The following AGBL1 variants were observed in gnomAD, a reference collection of about 807,000 sequenced individuals.
The protein encoded by AGBL1 is cytosolic carboxypeptidase 4.
Under a neutral mutation model 118.9 loss-of-function variants are expected in AGBL1, and 130 were observed. The observed-to-expected ratio is 1.09, with a 90% CI of 0.95 to 1.26. AGBL1 has a LOEUF of 1.26. Ranked by LOEUF, AGBL1 falls within the 50% of genes most tolerant of loss-of-function variation. The probability of loss-of-function intolerance (pLI) is 0.00; values close to 1 mark genes in which losing one functional copy is unlikely to be tolerated. For missense variants in AGBL1, 1,584 were observed against 1,298.1 expected, an observed-to-expected ratio of 1.22 and a Z score of -3.38; for synonymous variants, 555 against 478.9, an observed-to-expected ratio of 1.16 and a Z score of -2.08.
intron 16 of AGBL1, among the ~76,000 whole-genome samples, chr15:86,292,249 A>G (rs2079559701): frequency 6.6e-6 from 1 of 152,188 alleles, no homozygotes; most frequent in Non-Finnish European, 1.5e-5. Flanking sequence ...ATTAGATAAG[A>G]GAATCAGAGC....
intron 18 of AGBL1, among the ~76,000 whole-genome samples, chr15:86,426,847 A>T (rs1471897977): frequency 6.6e-6 from 1 of 151,976 alleles, no homozygotes; most frequent in Admixed American, 6.6e-5. Flanking sequence ...GTTCACTGCA[A>T]CCTCCGCCTC....
intron 22 of AGBL1, among the ~76,000 whole-genome samples, chr15:86,682,537 G>A (rs894765157): frequency 6.6e-6 from 1 of 152,070 alleles, no homozygotes; most frequent in Non-Finnish European, 1.5e-5. Context: ...TTGGCAGTTT[G>A]TAAAAAGGCC....
chr15:86,208,357 C>A (rs1280565636), intron 5 of AGBL1, among the ~76,000 whole-genome samples: 1 of 152,138 alleles, frequency 6.6e-6, no homozygotes. Context: ...AGAGGATTGC[C>A]CCTTTTTCTA....
intron 20 of AGBL1, among the ~76,000 whole-genome samples, chr15:86,548,663 GCACA>G (rs61362688): frequency 0.034 from 4,869 of 142,700 alleles, 91 homozygotes; most frequent in African/African-American, 0.056. Context: ...ACACATGCAC[GCACA>G]CACACACACA....
At chr15:86,338,250 AAAC>A (rs1407885791) in intron 17 of AGBL1, among the ~76,000 whole-genome samples, 13 of 152,154 alleles carry the variant, frequency 8.5e-5, no homozygotes, top group Non-Finnish European at 1.8e-4. Flanking sequence ...GTGCATTTGA[AAAC>A]AACATGTTTT....
chr15:86,756,174 T>A (rs1304403654), intron 22 of AGBL1, among the ~76,000 whole-genome samples: 1 of 149,676 alleles, frequency 6.7e-6, no homozygotes, highest in Non-Finnish European at 1.5e-5. Context: ...CAAACAAATA[T>A]CTTGAAATAT....
chr15:86,434,065 C>T (rs772209518), intron 18 of AGBL1, among the ~76,000 whole-genome samples: 4 of 152,210 alleles, frequency 2.6e-5, no homozygotes, highest in Non-Finnish European at 4.4e-5. Context: ...CCAACTGATC[C>T]TTTTATCGTG....
At chr15:86,658,852 T>C (rs1000752306) in intron 21 of AGBL1, among the ~76,000 whole-genome samples, 5 of 152,144 alleles carry the variant, frequency 3.3e-5, no homozygotes, top group African/African-American at 1.2e-4. Flanking sequence ...CAATCCTCCA[T>C]GTTGGTATGT....
chr15:86,796,861 G>A (rs1466615551), intron 22 of AGBL1, among the ~76,000 whole-genome samples: 2 of 152,140 alleles, frequency 1.3e-5, no homozygotes, highest in East Asian at 1.9e-4. Flanking sequence ...TATGAATTAG[G>A]AAGAAAGGGC....
chr15:86,538,182 G>T (rs1333069882), intron 19 of AGBL1, among the ~76,000 whole-genome samples: 4 of 152,174 alleles, frequency 2.6e-5, no homozygotes, highest in African/African-American at 4.8e-5. Flanking sequence ...GTCCAAGACT[G>T]ATCTGTAAGT....
chr15:86,213,380 A>C (rs1424470732), intron 5 of AGBL1, among the ~76,000 whole-genome samples: 8 of 152,304 alleles, frequency 5.3e-5, no homozygotes, highest in Non-Finnish European at 1.0e-4. Context: ...TGCCTCAGTC[A>C]GTGTTTCACA....
intron 22 of AGBL1, among the ~76,000 whole-genome samples, chr15:86,723,514 G>C (rs1180077166): frequency 6.6e-6 from 1 of 152,144 alleles, no homozygotes; most frequent in Non-Finnish European, 1.5e-5. Flanking sequence ...GTGGAGTGGG[G>C]TGAGGGGGGA....
chr15:86,838,480 G>T (rs921237229), intron 22 of AGBL1, among the ~76,000 whole-genome samples: 20 of 152,058 alleles, frequency 1.3e-4, no homozygotes, highest in African/African-American at 4.8e-4. Context: ...GAAAATATAT[G>T]GCCCAGGAAT....
intron 24 of AGBL1, among the ~76,000 whole-genome samples, chr15:86,990,723 A>G (rs1401357252): frequency 6.6e-6 from 1 of 152,170 alleles, no homozygotes; most frequent in Non-Finnish European, 1.5e-5. Flanking sequence ...ATACCTGCAC[A>G]TGTTTAAAGA....
At chr15:86,109,687 T>G (rs1319168536) in intron 1 of AGBL1, 1 of 152,242 alleles carries the variant, frequency 6.6e-6, no homozygotes, top group Non-Finnish European at 1.5e-5. Context: ...AAACTTCTTT[T>G]AAGAACTGTG....
chr15:86,413,598 T>G (rs1223357138), intron 18 of AGBL1, among the ~76,000 whole-genome samples: 1 of 152,166 alleles, frequency 6.6e-6, no homozygotes, highest in African/African-American at 2.4e-5. Context: ...TCATGGTGGT[T>G]TTAATTTACA....
intron 17 of AGBL1, among the ~76,000 whole-genome samples, chr15:86,350,901 G>A (rs555491169): frequency 1.3e-5 from 2 of 152,288 alleles, no homozygotes; most frequent in East Asian, 1.9e-4. Flanking sequence ...ATCCGTTGGA[G>A]AGTTTTCAAT....
At chr15:86,241,169 G>A (rs904696973) in intron 6 of AGBL1, among the ~76,000 whole-genome samples, 7 of 152,154 alleles carry the variant, frequency 4.6e-5, no homozygotes, top group Non-Finnish European at 7.4e-5. Flanking sequence ...ATTTTGGGGT[G>A]AGAAGTCAAC....
At chr15:86,183,639 C>T (rs988057855) in intron 5 of AGBL1, among the ~76,000 whole-genome samples, 3 of 152,126 alleles carry the variant, frequency 2.0e-5, no homozygotes, top group Non-Finnish European at 4.4e-5. Context: ...GAGGAAAGAG[C>T]CAGCCTCAGA....
Sources: gnomAD v4.1 joint callset for allele counts (sites outside exome capture counted in the v4.1 genomes callset) on GRCh38, gnomAD v4.1.1 for gene constraint, MANE v1.5 for transcripts, NCBI Gene and HGNC (gene_info 2026-07-23, HGNC 2026-07-21) for gene names.